The following ERC1 variants were observed in gnomAD, a reference collection of about 807,000 sequenced individuals.
ERC1 encodes the protein RAB6 interacting protein 2.
Under a neutral mutation model 132.0 loss-of-function variants are expected in ERC1, and 56 were observed. The observed-to-expected ratio is 0.42, with a 90% CI of 0.34 to 0.53. ERC1 has a LOEUF of 0.53. ERC1 is among the 20% of genes least tolerant of loss of function. The probability of loss-of-function intolerance (pLI) is 0.03; values close to 1 mark genes in which losing one functional copy is unlikely to be tolerated. For synonymous variants in ERC1, 478 were observed against 476.1 expected (o/e 1.00, Z -0.05); for missense variants, 1,202 against 1,349.9 (o/e 0.89, Z 1.72).
At chr12:1,384,785 G>GC (rs1332038703) in intron 16 of ERC1, among the ~76,000 whole-genome samples, 1 of 152,162 alleles carries the variant, frequency 6.6e-6, no homozygotes. Flanking sequence ...GGGTAGAGAT[G>GC]CTTAAAGTTT....
intron 12 of ERC1, among the ~76,000 whole-genome samples, chr12:1,216,869 A>G (rs1325362795): frequency 6.6e-6 from 1 of 152,178 alleles, no homozygotes; most frequent in Admixed American, 6.5e-5. Context: ...AAATTAAATG[A>G]AGTGGGAGTG....
chr12:1,200,779 C>T lies in ERC1; in HGVS notation c.2351+10727C>T, dbSNP rs926071220. Among the ~76,000 whole-genome samples the T allele has an allele frequency of 4.6e-5, 7 of 152,120 alleles. No homozygotes were observed. The East Asian group carries it at 5.8e-4, about 13-fold the overall frequency. ...TTCACCGTGTTAGCCAGGATGGTCT[C>T]GATCTCCTGACCTCGTGATCCGCCC... On this transcript the variant is annotated intron_variant, in intron 12 of 18. Transcript: ENST00000360905.
intron 16 of ERC1, among the ~76,000 whole-genome samples, chr12:1,402,605 G>A (rs2091163031): frequency 9.0e-6 from 1 of 111,398 alleles, no homozygotes; most frequent in Admixed American, 8.2e-5. Flanking sequence ...GAATATCTGT[G>A]TAACCCCCAA....
In ERC1 at chr12:1,444,724, G is replaced by A; in HGVS notation, c.3187G>A (p.Glu1063Lys). 1 of 1,613,990 alleles carries A rather than the reference G, an allele frequency of 6.2e-7. No individual in the cohort carries two copies. The highest frequency in any genetic ancestry group is 8.5e-7 in the Non-Finnish European group (1 of 1,179,982). ...LDDDQAAWEN[E>K]LQKMTRGQLQ... is the part of the protein sequence containing the mutation. The stretch of plus-strand genomic sequence containing the variant: ...CGATGACCAGGCGGCTTGGGAGAAT[G>A]AGCTGCAGAAGATGACCCGGGGGCA... The change falls in exon 18 of 19, where the codon GAG becomes AAG. Residue 1063 changes from glutamate (E) to lysine (K), a missense_variant. Coordinates refer to ENST00000360905, the MANE Select transcript of ERC1 (RefSeq NM_178040.4).
intron 8 of ERC1, among the ~76,000 whole-genome samples, chr12:1,149,349 G>A (rs1368178437): frequency 1.3e-5 from 2 of 152,060 alleles, no homozygotes; most frequent in Admixed American, 6.6e-5. Flanking sequence ...GAGAAGATTA[G>A]TGCTTACAGC....
Position 1,185,063 on chromosome 12 carries a change from G to C in ERC1, c.2157+1642G>C, listed in dbSNP as rs575047147. ...GTAGCTGGGTTTATAGGCGCATGCC[G>C]CTGTGCCCGGCTAATTTTTGTATTT... is the stretch of plus-strand genomic sequence containing the variant. On this transcript the variant is annotated intron_variant, in intron 11 of 18. Coordinates refer to ENST00000360905, the MANE Select transcript of ERC1 (RefSeq NM_178040.4). Among the ~76,000 whole-genome samples, 19 of 152,176 alleles carry C rather than the reference G, an allele frequency of 1.2e-4. No homozygotes were observed. In the South Asian group the frequency reaches 3.7e-3, roughly 30 times the overall value.
intron 15 of ERC1, among the ~76,000 whole-genome samples, chr12:1,292,576 T>A (rs2079531823): frequency 6.6e-6 from 1 of 152,200 alleles, no homozygotes; most frequent in South Asian, 2.1e-4. Context: ...ACTCATGAGA[T>A]GCTTTCTGGC....
intron 13 of ERC1, among the ~76,000 whole-genome samples, chr12:1,249,587 G>A (rs189405832): frequency 6.6e-6 from 1 of 152,244 alleles, no homozygotes; most frequent in East Asian, 1.9e-4. Context: ...CCATGTCTTG[G>A]TATTTTACAT....
intron 13 of ERC1, among the ~76,000 whole-genome samples, chr12:1,259,519 T>TCTTC (rs1566411676): frequency 7.4e-6 from 1 of 134,398 alleles, no homozygotes; most frequent in East Asian, 2.0e-4. Context: ...TTTCTTTCTT[T>TCTTC]CTTTTTTTTT....
At chr12:1,033,556 C>T (rs71449119) in intron 2 of ERC1, among the ~76,000 whole-genome samples, 3 of 151,950 alleles carry the variant, frequency 2.0e-5, no homozygotes, top group Non-Finnish European at 2.9e-5. Flanking sequence ...CTCTGCCTCC[C>T]GGGTTCAAGC....
At chr12:1,170,695 G>C (rs945525148) in intron 8 of ERC1, among the ~76,000 whole-genome samples, 1 of 152,112 alleles carries the variant, frequency 6.6e-6, no homozygotes, top group African/African-American at 2.4e-5. Context: ...AGTGACCTTT[G>C]GTCTTACCAG....
chr12:1,469,089 A>C (rs771983122), intron 18 of ERC1, among the ~76,000 whole-genome samples: 15 of 152,260 alleles, frequency 9.9e-5, no homozygotes, highest in Non-Finnish European at 1.8e-4. Flanking sequence ...GGTGTTGTGC[A>C]CTAACCAAGC....
At chr12:1,427,212 G>A (rs1332251453) in intron 17 of ERC1, among the ~76,000 whole-genome samples, 1 of 152,100 alleles carries the variant, frequency 6.6e-6, no homozygotes, top group Admixed American at 6.6e-5. Context: ...TTTATAATGT[G>A]TGCTCTCTAC....
At chr12:1,387,432 G>A (rs1259189053) in intron 16 of ERC1, among the ~76,000 whole-genome samples, 1 of 152,124 alleles carries the variant, frequency 6.6e-6, no homozygotes, top group Non-Finnish European at 1.5e-5. Context: ...AAAACATTAT[G>A]TCCACGTCCA....
chr12:1,196,759 G>T (rs2154280390), intron 12 of ERC1, among the ~76,000 whole-genome samples: 1 of 148,474 alleles, frequency 6.7e-6, no homozygotes, highest in East Asian at 2.0e-4. Flanking sequence ...CAAAGTGCTG[G>T]GATTACAGGC....
At chr12:1,304,172 A>G (rs551887093) in intron 15 of ERC1, among the ~76,000 whole-genome samples, 1 of 152,286 alleles carries the variant, frequency 6.6e-6, no homozygotes, top group Non-Finnish European at 1.5e-5. Flanking sequence ...AACATAGTCT[A>G]TAAAAGGAAA....
At chr12:1,054,508 T>C (rs974213808) in intron 2 of ERC1, among the ~76,000 whole-genome samples, 2 of 151,972 alleles carry the variant, frequency 1.3e-5, no homozygotes, top group African/African-American at 2.4e-5. Flanking sequence ...TAACTGACCT[T>C]AGACAGTGCT....
intron 18 of ERC1, among the ~76,000 whole-genome samples, chr12:1,469,515 T>A (rs1464810949): frequency 1.3e-5 from 2 of 152,262 alleles, no homozygotes; most frequent in East Asian, 3.9e-4. Context: ...GAGTGCTTGC[T>A]GTGGTGTGGG....
chr12:1,125,837 A>AT (rs1340737312), intron 7 of ERC1, among the ~76,000 whole-genome samples: 1 of 152,234 alleles, frequency 6.6e-6, no homozygotes, highest in Non-Finnish European at 1.5e-5. Flanking sequence ...AACAAAAAAA[A>AT]CAAACAGTAT....
Sources: allele counts gnomAD v4.1 joint callset (sites outside exome capture counted in the v4.1 genomes callset), GRCh38; gene constraint gnomAD v4.1.1; transcripts MANE v1.5; gene names NCBI Gene and HGNC (gene_info 2026-07-23, HGNC 2026-07-21).